The following MEGF6 variants were observed in gnomAD, a reference collection of about 807,000 sequenced individuals.
MEGF6 encodes the protein multiple epidermal growth factor-like domains protein 6.
In MEGF6, 184 loss-of-function variants were observed where a neutral mutation model predicts 207.1. That is an observed-to-expected ratio of 0.89 (90% CI 0.79 to 1.00). MEGF6 has a LOEUF of 1.00. Ranked by LOEUF, MEGF6 falls within the 50% of genes least tolerant of loss-of-function variation. The pLI is 0.00. For missense variants in MEGF6, 2,282 were observed against 2,202.9 expected, an observed-to-expected ratio of 1.04 and a Z score of -0.72; for synonymous variants, 1,038 against 910.0, an observed-to-expected ratio of 1.14 and a Z score of -2.53.
intron 9 of MEGF6, 29 bp downstream of exon 9, chr1:3,511,521 G>T: frequency 6.3e-7 from 1 of 1,585,462 alleles, no homozygotes. Flanking sequence ...GGAGTGGGGT[G>T]CAGGCATCTG....
intron 4 of MEGF6, among the ~76,000 whole-genome samples, chr1:3,529,279 C>T (rs1328551426): frequency 6.6e-6 from 1 of 152,178 alleles, no homozygotes; most frequent in Non-Finnish European, 1.5e-5. Flanking sequence ...GTTAGCGGGG[C>T]CCCAGCAAAG....
chr1:3,610,473 C>CCCT (rs879724888), intron 1 of MEGF6, among the ~76,000 whole-genome samples: 3,364 of 146,422 alleles, frequency 0.023, 99 homozygotes, highest in African/African-American at 0.072. Context: ...CCAGCGACTC[C>CCCT]CCTCCTCCTC....
At chr1:3,610,079 G>C (rs1386477327) in intron 1 of MEGF6, among the ~76,000 whole-genome samples, 1 of 152,262 alleles carries the variant, frequency 6.6e-6, no homozygotes, top group Non-Finnish European at 1.5e-5. Context: ...CCGCCGTCAT[G>C]TGGAGTCAGG....
rs549000816 is a variant in MEGF6 at position 3,535,234 on chromosome 1, C to T, written c.482-10988G>A. The stretch of plus-strand genomic sequence containing the variant: ...GAGGAGGGCAGCCAACAGAGCAGGG[C>T]GAGCCTCCAGGGAACAGCTGTCACA... On this transcript the variant is annotated intron_variant, in intron 4 of 36. Transcript: ENST00000356575. Among the ~76,000 whole-genome samples the T allele has an allele frequency of 4.2e-3, 645 of 152,254 alleles. 2 individuals carry two copies. Among genetic ancestry groups the T allele is most frequent in the African/African-American group, 0.013 (545 of 41,534 alleles).
Position 3,531,202 on chromosome 1 carries a change from A to G in MEGF6, c.482-6956T>C, listed in dbSNP as rs1481539640. The G allele has an allele frequency of 9.3e-6, 14 of 1,503,512 alleles. No individual in the cohort carries two copies. The South Asian group carries it at 1.4e-4, about 15-fold the overall frequency. 93.1% of individuals were successfully genotyped at this position (1,503,512 alleles called of 1,614,324 possible). ...GCGCGCCAGGCCCCCCAGGAGCCCAAGGCACCAGAGCGCGGCCAGCCCGCG... is the reference window on the plus strand; with the variant it reads ...GCGCGCCAGGCCCCCCAGGAGCCCAGGGCACCAGAGCGCGGCCAGCCCGCG... On this transcript the variant is annotated intron_variant, in intron 4 of 36. Transcript: ENST00000356575.
At chr1:3,521,429 C>T (rs1570039354) in intron 5 of MEGF6, among the ~76,000 whole-genome samples, 1 of 152,162 alleles carries the variant, frequency 6.6e-6, no homozygotes, top group South Asian at 2.1e-4. Context: ...AGGCCCAGGC[C>T]GAGCTGCCGC....
At chr1:3,501,985 C>T (rs1204466624) in intron 17 of MEGF6, 64 bp from the exon 18 acceptor site, 5 of 1,064,200 alleles carry the variant, frequency 4.7e-6, no homozygotes, top group African/African-American at 8.2e-5. Context: ...AGAGCCTTTC[C>T]CCCAGGGGCT....
intron 26 of MEGF6, 170 bp from the exon 27 acceptor site, chr1:3,497,531 A>C: frequency 1.1e-6 from 1 of 927,790 alleles, no homozygotes; most frequent in Non-Finnish European, 1.6e-6. Flanking sequence ...CGGAGGGCAG[A>C]GGCAGGCCCC....
At chr1:3,598,213 C>G (rs900486796) in intron 2 of MEGF6, among the ~76,000 whole-genome samples, 2 of 152,194 alleles carry the variant, frequency 1.3e-5, no homozygotes, top group Non-Finnish European at 1.5e-5. Flanking sequence ...GCTGCCGTCT[C>G]TGGGTAACAA....
Position 3,515,459 on chromosome 1 carries a change from G to A in MEGF6, c.673C>T (p.His225Tyr). 1 of 1,612,728 alleles carries A rather than the reference G, an allele frequency of 6.2e-7. No homozygotes were observed. Among genetic ancestry groups the A allele is most frequent in the Non-Finnish European group, 8.5e-7 (1 of 1,179,918 alleles). ...HHCVQLTITR[H>Y]RCQCRPGFQL... Reference sequence around the variant, plus strand: ...AACCCGGGCCGGCACTGGCAGCGATGCCGAGTGATTGTGAGCTGGACACAG... The same window carrying A: ...AACCCGGGCCGGCACTGGCAGCGATACCGAGTGATTGTGAGCTGGACACAG... The change falls in exon 6 of 37, where the codon CAT (histidine) becomes TAT (tyrosine). Residue 225 changes from histidine (H) to tyrosine (Y), a missense_variant. His to Tyr is a moderately conservative substitution (Grantham distance 83). Transcript: ENST00000356575.
At chr1:3,569,927 A>G (rs962343928) in intron 4 of MEGF6, among the ~76,000 whole-genome samples, 13 of 152,240 alleles carry the variant, frequency 8.5e-5, no homozygotes, top group African/African-American at 3.1e-4. Context: ...GCACAGAGCC[A>G]AGGCCAGGGA....
rs1366369114 is a variant in MEGF6 at position 3,579,809 on chromosome 1, C to T, written c.481+16G>A. The T allele has an allele frequency of 1.4e-6, 2 of 1,467,682 alleles. No individual in the cohort carries two copies. Among genetic ancestry groups the T allele is most frequent in the Admixed American group, 2.8e-5 (1 of 35,208 alleles). The allele number at this position is 1,467,682 out of a possible 1,614,324, so 90.9% of individuals were successfully genotyped here. A position where few individuals can be genotyped will look rare whatever the true frequency, so the allele number is the denominator to read the frequency against. ...GGCCATGGCCAGGGCCTTGGTCCCC[C>T]AGGGGCTCCACTCACCATACTGACA... is the stretch of plus-strand genomic sequence containing the variant. On this transcript the variant is annotated intron_variant, in intron 4 of 36. Transcript: ENST00000356575.
intron 3 of MEGF6, among the ~76,000 whole-genome samples, chr1:3,591,081 G>C (rs1213650236): frequency 1.3e-5 from 2 of 152,148 alleles, no homozygotes; most frequent in Non-Finnish European, 2.9e-5. Context: ...GGGCTGAGGG[G>C]CTCCAGCACC....
chr1:3,605,177 TACTC>T (rs1644225202), intron 1 of MEGF6, among the ~76,000 whole-genome samples: 2 of 150,008 alleles, frequency 1.3e-5, no homozygotes, highest in Non-Finnish European at 3.0e-5. Flanking sequence ...CCCTTACTCA[TACTC>T]AGTCACACAC....
At chr1:3,508,040 C>T (rs1044615131) in intron 13 of MEGF6, 117 bp from the exon 14 acceptor site, 6 of 1,160,968 alleles carry the variant, frequency 5.2e-6, no homozygotes, top group South Asian at 4.7e-5. Flanking sequence ...AATGATGGCA[C>T]TTGTACCACA....
At chr1:3,544,706 C>T (rs1333554442) in intron 4 of MEGF6, among the ~76,000 whole-genome samples, 2 of 152,224 alleles carry the variant, frequency 1.3e-5, no homozygotes, top group Non-Finnish European at 2.9e-5. Flanking sequence ...GGCACTGAGA[C>T]CACACCATGC....
At position 3,496,972 on chromosome 1, in the gene MEGF6, C is replaced by T; in HGVS notation, c.3613+16G>A. 2.6e-6 allele frequency: 4 copies of T among 1,547,574 alleles called. No homozygotes were observed. Among genetic ancestry groups the T allele is most frequent in the East Asian group, 2.4e-5 (1 of 40,926 alleles). On this transcript the variant is annotated intron_variant, in intron 28 of 36. Coordinates refer to ENST00000356575, the MANE Select transcript of MEGF6 (RefSeq NM_001409.4). ...CAGCACTGCCGAGTCCCTGGGTGGG[C>T]ACGGGCAGCACTCACGTTGCTGGCA... is the stretch of plus-strand genomic sequence containing the variant.
intron 4 of MEGF6, among the ~76,000 whole-genome samples, chr1:3,530,731 G>C (rs1420372553): frequency 6.6e-6 from 1 of 152,236 alleles, no homozygotes; most frequent in African/African-American, 2.4e-5. Flanking sequence ...AAGGGCCTTT[G>C]TCTCCAGCCT....
At chr1:3,507,725 G>A (rs1475741326) in intron 14 of MEGF6, 70 bp downstream of exon 14, 1 of 1,594,534 alleles carries the variant, frequency 6.3e-7, no homozygotes. Context: ...AGGACGTGGA[G>A]GGGTGGTGTC....
Sources: gnomAD v4.1 joint callset for allele counts (sites outside exome capture counted in the v4.1 genomes callset) on GRCh38, gnomAD v4.1.1 for gene constraint, MANE v1.5 for transcripts, NCBI Gene and HGNC (gene_info 2026-07-23, HGNC 2026-07-21) for gene names.